The following ESRRG variants were observed in gnomAD, a reference collection of about 807,000 sequenced individuals.
ESRRG encodes estrogen related receptor gamma, also known as estrogen-related receptor gamma.
Under a neutral mutation model 44.0 loss-of-function variants are expected in ESRRG, and 13 were observed. The observed-to-expected ratio is 0.30, with a 90% confidence interval of 0.19 to 0.47. ESRRG has a LOEUF of 0.47. ESRRG is among the 20% of genes least tolerant of loss of function. The pLI, the probability that ESRRG is intolerant of heterozygous loss-of-function variation, is 1.00. For synonymous variants in ESRRG, 215 were observed against 214.6 expected (o/e 1.00, Z -0.02); for missense variants, 395 against 580.6 (o/e 0.68, Z 3.29).
chr1:216,730,317 A>AC (rs988466181), intron 2 of ESRRG, among the ~76,000 whole-genome samples: 3 of 151,458 alleles, frequency 2.0e-5, no homozygotes, highest in African/African-American at 7.3e-5. Flanking sequence ...AAAAAAAAAA[A>AC]AAAAAGAAAG....
rs148567492 is a variant in ESRRG at position 216,747,203 on chromosome 1, G to A, written c.-13-69712C>T. Among the ~76,000 whole-genome samples the A allele has an allele frequency of 5.1e-3, 772 of 152,220 alleles. 5 individuals are homozygous for A. The highest frequency in any genetic ancestry group is 0.017 in the African/African-American group (695 of 41,564). ...GATTATGAAACAAGGATTCTGAGAC[G>A]TCATTTAAATTGCCTGGGATTCTAT... On this transcript the variant is annotated intron_variant, in intron 2 of 7. Transcript: ENST00000359162.
chr1:216,597,832 C>T (rs114529357), intron 3 of ESRRG, among the ~76,000 whole-genome samples: 5 of 152,086 alleles, frequency 3.3e-5, no homozygotes, highest in East Asian at 1.9e-4. Flanking sequence ...TAAGGAGTGA[C>T]GTAGTGTGGA....
intron 2 of ESRRG, among the ~76,000 whole-genome samples, chr1:216,787,321 A>G (rs1321032966): frequency 1.3e-5 from 2 of 151,860 alleles, no homozygotes; most frequent in African/African-American, 4.8e-5. Flanking sequence ...AACCCCAAAA[A>G]AGGCTGGGTG....
intron 1 of ESRRG, among the ~76,000 whole-genome samples, chr1:217,135,979 A>G (rs1319285693): frequency 1.3e-5 from 2 of 151,876 alleles, no homozygotes; most frequent in African/African-American, 2.4e-5. Context: ...GTGAGGGGAT[A>G]GATTGGGAGA....
At chr1:216,803,490 A>G (rs2148341246) in intron 2 of ESRRG, among the ~76,000 whole-genome samples, 1 of 152,308 alleles carries the variant, frequency 6.6e-6, no homozygotes, top group South Asian at 2.1e-4. Context: ...AAGAACTGCC[A>G]CAATCACAAC....
chr1:216,960,490 G>A (rs1488578710), intron 1 of ESRRG, among the ~76,000 whole-genome samples: 1 of 152,078 alleles, frequency 6.6e-6, no homozygotes, highest in Non-Finnish European at 1.5e-5. Flanking sequence ...ATTTCTATGG[G>A]ATTTTTCAAG....
intron 1 of ESRRG, among the ~76,000 whole-genome samples, chr1:216,985,327 G>A (rs1031564530): frequency 3.3e-5 from 5 of 152,154 alleles, no homozygotes; most frequent in African/African-American, 4.8e-5. Context: ...CCACCTCCAC[G>A]CACTGGAAGA....
chr1:216,786,271 C>A (rs1234081537), intron 2 of ESRRG, among the ~76,000 whole-genome samples: 4 of 151,982 alleles, frequency 2.6e-5, no homozygotes, highest in African/African-American at 9.7e-5. Flanking sequence ...GGCTTCATAA[C>A]AGGAGGAAAA....
chr1:216,518,550 G>A lies in ESRRG; in HGVS notation c.1132+602C>T, dbSNP rs535488193. Among the ~76,000 whole-genome samples the A allele has an allele frequency of 5.9e-5, 9 of 152,242 alleles. No homozygotes were observed. In the East Asian group the frequency reaches 1.7e-3, roughly 29 times the overall value. Reference sequence around the variant, plus strand: ...AATAAAGCATTAAGAGAGGCACAAAGGGAAAAACAACAAAGCACCAACGAT... The same window carrying A: ...AATAAAGCATTAAGAGAGGCACAAAAGGAAAAACAACAAAGCACCAACGAT... On this transcript the variant is annotated intron_variant, in intron 6 of 6. Transcript: ENST00000408911.
intron 1 of ESRRG, among the ~76,000 whole-genome samples, chr1:216,965,514 C>T (rs761511312): frequency 1.3e-5 from 2 of 152,190 alleles, no homozygotes; most frequent in Non-Finnish European, 2.9e-5. Flanking sequence ...TGGCTGGACC[C>T]TTCTCCATGG....
intron 1 of ESRRG, among the ~76,000 whole-genome samples, chr1:216,963,710 T>A: frequency 6.6e-6 from 1 of 152,178 alleles, no homozygotes; most frequent in East Asian, 1.9e-4. Flanking sequence ...AATCACGTTG[T>A]GCTCTCTGAT....
chr1:217,106,608 T>G (rs1031221295), intron 1 of ESRRG, among the ~76,000 whole-genome samples: 1 of 152,180 alleles, frequency 6.6e-6, no homozygotes, highest in Non-Finnish European at 1.5e-5. Flanking sequence ...CAGGAGGGAT[T>G]TTCTGAAACA....
chr1:216,797,293 C>T (rs1368973093), intron 2 of ESRRG, among the ~76,000 whole-genome samples: 1 of 152,170 alleles, frequency 6.6e-6, no homozygotes, highest in Non-Finnish European at 1.5e-5. Flanking sequence ...TTCAGATCTT[C>T]TTAATGTTTA....
chr1:216,581,191 A>C (rs1290737172), intron 3 of ESRRG, among the ~76,000 whole-genome samples: 1 of 152,246 alleles, frequency 6.6e-6, no homozygotes, highest in African/African-American at 2.4e-5. Context: ...TGTCTTAAAA[A>C]TCAAAAGGCA....
In ESRRG at chr1:217,034,263, C is replaced by T. The variant is rs1383405357; in HGVS notation, c.-106+55244G>A. ...AAGCATCCAGGGATAAAACGGCTTG[C>T]TGTAGAAAGGGATCTCTTTGGCTTC... is the stretch of plus-strand genomic sequence containing the variant. On this transcript the variant is annotated intron_variant, in intron 1 of 7. Transcript: ENST00000359162. Among the ~76,000 whole-genome samples, 3 of 152,150 alleles carry T rather than the reference C, an allele frequency of 2.0e-5. No homozygotes were observed. In the East Asian group the frequency reaches 5.8e-4, roughly 29 times the overall value.
At chr1:216,614,420 A>G (rs1037934266) in intron 3 of ESRRG, among the ~76,000 whole-genome samples, 2 of 152,126 alleles carry the variant, frequency 1.3e-5, no homozygotes, top group African/African-American at 2.4e-5. Context: ...ATTCTATCTA[A>G]AGGAATACAG....
At chr1:216,945,476 CTT>C (rs1284986349) in intron 1 of ESRRG, among the ~76,000 whole-genome samples, 1 of 152,120 alleles carries the variant, frequency 6.6e-6, no homozygotes, top group Non-Finnish European at 1.5e-5. Flanking sequence ...GGAACTGACT[CTT>C]TTAGAAATGG....
At chr1:216,574,338 G>A (rs142976964) in intron 3 of ESRRG, among the ~76,000 whole-genome samples, 1,769 of 152,152 alleles carry the variant, frequency 0.012, 37 homozygotes, top group African/African-American at 0.04. Context: ...AGCAAGAGTA[G>A]GGCAAGGAGT....
chr1:216,545,246 A>T (rs528966996), intron 5 of ESRRG, among the ~76,000 whole-genome samples: 17 of 136,094 alleles, frequency 1.2e-4, no homozygotes, highest in East Asian at 1.2e-3. Context: ...TTTTTTTTTT[A>T]AAGACAGGAT....
Sources: allele counts gnomAD v4.1 joint callset (sites outside exome capture counted in the v4.1 genomes callset), GRCh38; gene constraint gnomAD v4.1.1; transcripts MANE v1.5; gene names NCBI Gene and HGNC (gene_info 2026-07-23, HGNC 2026-07-21).